The following CREB5 variants were observed in gnomAD, a reference collection of about 807,000 sequenced individuals.
The protein encoded by CREB5 is cAMP responsive element binding protein 5.
Under a neutral mutation model 57.1 loss-of-function variants are expected in CREB5, and 19 were observed. The observed-to-expected ratio is 0.33, with a 90% CI of 0.23 to 0.49. The LOEUF (loss-of-function observed/expected upper bound fraction) is 0.49, where lower values mean the gene tolerates loss of function less well. Ranked by LOEUF, CREB5 falls within the 20% of genes least tolerant of loss-of-function variation. CREB5 has a pLI of 0.99. For missense variants in CREB5, 579 were observed against 671.6 expected (o/e 0.86, Z 1.52); for synonymous variants, 238 against 238.3 (o/e 1.00, Z 0.01).
intron 1 of CREB5, among the ~76,000 whole-genome samples, chr7:28,483,624 C>G (rs549809969): frequency 6.6e-6 from 1 of 152,070 alleles, no homozygotes; most frequent in Non-Finnish European, 1.5e-5. Flanking sequence ...AGTGTCTAAC[C>G]AAAGGTATCG....
At chr7:28,761,626 G>T (rs1284680573) in intron 7 of CREB5, among the ~76,000 whole-genome samples, 1 of 152,046 alleles carries the variant, frequency 6.6e-6, no homozygotes, top group Non-Finnish European at 1.5e-5. Context: ...TACTGTATGG[G>T]GCTTTTTTGG....
At chr7:28,333,050 T>C (rs986769754) in intron 1 of CREB5, among the ~76,000 whole-genome samples, 4 of 152,268 alleles carry the variant, frequency 2.6e-5, no homozygotes, top group Non-Finnish European at 4.4e-5. Context: ...AGCAGACTGC[T>C]ATTGTCTTTT....
intron 5 of CREB5, among the ~76,000 whole-genome samples, chr7:28,589,970 G>T (rs6462096): frequency 3.1e-4 from 47 of 152,224 alleles, no homozygotes; most frequent in African/African-American, 1.1e-3. Flanking sequence ...CATTATATCT[G>T]GTGGTATGGG....
chr7:28,375,618 T>G (rs1162019992), intron 1 of CREB5, among the ~76,000 whole-genome samples: 1 of 152,018 alleles, frequency 6.6e-6, no homozygotes, highest in East Asian at 1.9e-4. Flanking sequence ...AAAAACAGAT[T>G]TCTTCAGGGC....
intron 5 of CREB5, among the ~76,000 whole-genome samples, chr7:28,679,331 CT>C (rs911760933): frequency 3.3e-5 from 5 of 152,174 alleles, no homozygotes; most frequent in Non-Finnish European, 7.3e-5. Context: ...TGATGGTCAG[CT>C]TCTGGCAGCC....
chr7:28,749,045 G>C (rs900149036), intron 7 of CREB5, among the ~76,000 whole-genome samples: 1 of 152,158 alleles, frequency 6.6e-6, no homozygotes, highest in African/African-American at 2.4e-5. Context: ...AAACTGCCTT[G>C]AGCCAACTGC....
At chr7:28,791,340 G>A (rs1192026645) in intron 7 of CREB5, among the ~76,000 whole-genome samples, 9 of 152,028 alleles carry the variant, frequency 5.9e-5, no homozygotes, top group Admixed American at 5.2e-4. Context: ...CTACTCTCGC[G>A]CATCTTCCTT....
At chr7:28,763,810 A>T (rs200629228) in intron 7 of CREB5, among the ~76,000 whole-genome samples, 13,241 of 149,028 alleles carry the variant, frequency 0.089, 648 homozygotes, top group African/African-American at 0.11. Context: ...TATTATTATT[A>T]TTTTTTTTTG....
chr7:28,349,345 G>A (rs10269463), intron 1 of CREB5, among the ~76,000 whole-genome samples: 36,884 of 151,738 alleles, frequency 0.24, 4,618 homozygotes, highest in African/African-American at 0.25. Flanking sequence ...ACAGTCTTTC[G>A]TTCTTAGCTT....
chr7:28,329,197 C>G (rs538010692), intron 1 of CREB5, among the ~76,000 whole-genome samples: 1 of 152,288 alleles, frequency 6.6e-6, no homozygotes, highest in East Asian at 1.9e-4. Context: ...AGAAAGGGAA[C>G]CACCATTCTA....
chr7:28,620,278 C>G (rs900518774), intron 5 of CREB5, among the ~76,000 whole-genome samples: 2 of 152,148 alleles, frequency 1.3e-5, no homozygotes, highest in Admixed American at 6.5e-5. Flanking sequence ...CTATGTTACC[C>G]AGGCTGGTCC....
At chr7:28,536,425 G>T (rs968984070) in intron 4 of CREB5, among the ~76,000 whole-genome samples, 4 of 152,120 alleles carry the variant, frequency 2.6e-5, no homozygotes, top group African/African-American at 9.7e-5. Flanking sequence ...CTCCCTTCCA[G>T]CTCTGAAGCT....
At chr7:28,520,488 C>T (rs1057187978) in intron 4 of CREB5, among the ~76,000 whole-genome samples, 1 of 152,202 alleles carries the variant, frequency 6.6e-6, no homozygotes, top group African/African-American at 2.4e-5. Context: ...AACTCCCTGG[C>T]AGAGGTAACT....
chr7:28,647,172 G>A (rs2128704584), intron 5 of CREB5, among the ~76,000 whole-genome samples: 1 of 151,388 alleles, frequency 6.6e-6, no homozygotes, highest in East Asian at 2.0e-4. Context: ...AGCAGTGATG[G>A]TGGCCAGTGG....
intron 1 of CREB5, among the ~76,000 whole-genome samples, chr7:28,413,588 T>A (rs796859753): frequency 1.3e-5 from 2 of 152,290 alleles, no homozygotes; most frequent in African/African-American, 4.8e-5. Context: ...CCAAGCCCAC[T>A]ATTTTTAATG....
intron 1 of CREB5, among the ~76,000 whole-genome samples, chr7:28,445,641 T>C (rs1051131524): frequency 1.3e-4 from 20 of 152,004 alleles, no homozygotes; most frequent in Admixed American, 8.5e-4. Context: ...AAGCTCCGCC[T>C]CCCAGGTTCA....
intron 5 of CREB5, among the ~76,000 whole-genome samples, chr7:28,705,386 G>GAAAGAAAGA (rs1554288737): frequency 4.9e-5 from 7 of 143,292 alleles, no homozygotes; most frequent in Middle Eastern, 3.7e-3. Context: ...AAAAAAGAAA[G>GAAAGAAAGA]AAAGAAAAGA....
At chr7:28,793,968 T>TG (rs1807879450) in intron 7 of CREB5, among the ~76,000 whole-genome samples, 1 of 152,230 alleles carries the variant, frequency 6.6e-6, no homozygotes, top group Non-Finnish European at 1.5e-5. Flanking sequence ...AAAGGCCCTG[T>TG]GATACATATG....
At chr7:28,340,717 G>T (rs1274481617) in intron 1 of CREB5, among the ~76,000 whole-genome samples, 3 of 152,186 alleles carry the variant, frequency 2.0e-5, no homozygotes, top group Admixed American at 6.5e-5. Flanking sequence ...CCTAGGAGTT[G>T]CAGTCCTTGT....
Sources: gnomAD v4.1 joint callset for allele counts (sites outside exome capture counted in the v4.1 genomes callset) on GRCh38, gnomAD v4.1.1 for gene constraint, MANE v1.5 for transcripts, NCBI Gene and HGNC (gene_info 2026-07-23, HGNC 2026-07-21) for gene names.